WASHC2A: variants seen among roughly 807,000 people sequenced by gnomAD.
WASHC2A encodes WASH complex subunit 2A.
Under a neutral mutation model 140.3 loss-of-function variants are expected in WASHC2A, and 82 were observed. The ratio of observed to expected loss-of-function variants is 0.58; its 90% confidence interval spans 0.49 to 0.70. The LOEUF is 0.70. Among genes scored for constraint, WASHC2A ranks in the 30% least tolerant of loss-of-function variants. The pLI is 0.00. For missense variants in WASHC2A, 985 were observed against 1,521.8 expected (o/e 0.65, Z 5.87); for synonymous variants, 340 against 560.8 (o/e 0.61, Z 5.56).
chr10:50,073,337 A>T (rs1838028030), intron 3 of WASHC2A, among the ~76,000 whole-genome samples: 2 of 151,884 alleles, frequency 1.3e-5, no homozygotes, highest in Admixed American at 1.3e-4. Context: ...CAAGGTTAGA[A>T]TTTTTTTTGT....
intron 23 of WASHC2A, among the ~76,000 whole-genome samples, chr10:50,123,932 T>C (rs1843198151): frequency 6.6e-6 from 1 of 152,102 alleles, no homozygotes; most frequent in Non-Finnish European, 1.5e-5. Context: ...ATATATTTTC[T>C]CCCAGTCTCT....
At chr10:50,130,090 C>T (rs2133115852) in intron 29 of WASHC2A, 51 bp downstream of exon 29, 1 of 1,609,246 alleles carries the variant, frequency 6.2e-7, no homozygotes, top group African/African-American at 1.3e-5. Flanking sequence ...AGGAAGGTAT[C>T]TGATTGGCTT....
intron 10 of WASHC2A, among the ~76,000 whole-genome samples, 182 bp from the exon 11 acceptor site, chr10:50,091,980 A>G (rs1427876486): frequency 6.6e-6 from 1 of 152,254 alleles, no homozygotes; most frequent in Non-Finnish European, 1.5e-5. Flanking sequence ...TGCCTTACAA[A>G]GAGACTCTTG....
intron 1 of WASHC2A, 26 bp from the exon 2 acceptor site, chr10:50,068,079 T>C (rs113882441): frequency 0.13 from 193,192 of 1,517,690 alleles, 18,601 homozygotes; most frequent in Middle Eastern, 0.2. Flanking sequence ...CAGGCTCAGC[T>C]TCTCTTCTCG....
chr10:50,078,076 C>CT (rs1441480736), intron 3 of WASHC2A: 1 of 647,802 alleles, frequency 1.5e-6, no homozygotes, highest in South Asian at 2.0e-5. Context: ...AGCAGTGGGT[C>CT]TTTTCTGGAA....
intron 19 of WASHC2A, among the ~76,000 whole-genome samples, chr10:50,109,183 G>C (rs1436761833): frequency 6.6e-6 from 1 of 152,194 alleles, no homozygotes; most frequent in Non-Finnish European, 1.5e-5. Flanking sequence ...AGTTTGATTT[G>C]CAAGACTCTA....
intron 3 of WASHC2A, among the ~76,000 whole-genome samples, chr10:50,073,404 G>A (rs1838034437): frequency 6.6e-6 from 1 of 151,960 alleles, no homozygotes; most frequent in Non-Finnish European, 1.5e-5. Context: ...ACTCTGACAA[G>A]CTTAGTGTTC....
At chr10:50,102,213 G>T (rs551430456) in intron 17 of WASHC2A, among the ~76,000 whole-genome samples, 10 of 152,290 alleles carry the variant, frequency 6.6e-5, no homozygotes, top group South Asian at 2.1e-4. Flanking sequence ...AGATTCTAAG[G>T]CAAGGAGAGG....
intron 23 of WASHC2A, 99 bp downstream of exon 23, chr10:50,119,868 A>G: frequency 1.3e-6 from 1 of 749,156 alleles, no homozygotes; most frequent in Non-Finnish European, 2.2e-6. Flanking sequence ...AGGAATCTTA[A>G]CCTTCAATGT....
chr10:50,077,591 C>T (rs1382442303), intron 3 of WASHC2A, among the ~76,000 whole-genome samples: 2 of 152,006 alleles, frequency 1.3e-5, no homozygotes, highest in Non-Finnish European at 2.9e-5. Flanking sequence ...TTTATAATCA[C>T]GGCCACTGTC....
Position 50,132,990 on chromosome 10 carries a change from G to A in WASHC2A, c.*45G>A, listed in dbSNP as rs762757101. 1 of 1,611,812 alleles carries A rather than the reference G, an allele frequency of 6.2e-7. No individual in the cohort carries two copies. Among genetic ancestry groups the A allele is most frequent in the South Asian group, 1.1e-5 (1 of 90,952 alleles). On this transcript the variant is annotated 3_prime_UTR_variant, in exon 31 of 31. Transcript: ENST00000282633. ...TGTTACCCTGCAGCTACATTGTTGA[G>A]TTAGTGATGATGTTGTATATGCTGA...
intron 29 of WASHC2A, 152 bp downstream of exon 29, chr10:50,130,191 T>G (rs2261404): frequency 1.8e-6 from 2 of 1,083,748 alleles, no homozygotes; most frequent in African/African-American, 1.5e-5. Flanking sequence ...ATTAATAAGT[T>G]TAACATTGAT....
chr10:50,090,380 G>C (rs1182793381), intron 8 of WASHC2A, among the ~76,000 whole-genome samples: 1 of 150,292 alleles, frequency 6.7e-6, no homozygotes, highest in African/African-American at 2.4e-5. Context: ...GTGCATGCGT[G>C]TAATCCCAGC....
At chr10:50,131,643 C>A (rs1467400289) in intron 30 of WASHC2A, among the ~76,000 whole-genome samples, 4 of 152,192 alleles carry the variant, frequency 2.6e-5, no homozygotes, top group Non-Finnish European at 4.4e-5. Flanking sequence ...GCCCGAGAAC[C>A]CTAAATATTG....
In WASHC2A at chr10:50,097,702, T is replaced by G. The variant is rs1224666400; in HGVS notation, c.1448T>G (p.Phe483Cys). The G allele has an allele frequency of 1.3e-6, 2 of 1,599,342 alleles. No individual in the cohort carries two copies. Among genetic ancestry groups the G allele is most frequent in the Non-Finnish European group, 1.7e-6 (2 of 1,173,176 alleles). The change falls in exon 16 of 31, where the codon TTT (phenylalanine) becomes TGT (cysteine). Residue 483 changes from phenylalanine (F) to cysteine (C), a missense_variant. Coordinates refer to ENST00000282633, the MANE Select transcript of WASHC2A (RefSeq NM_001005751.3). ...AAAGTCCAATCCACTGCCGATATCT[T>G]TGGTGACGAAGAAGGAGATCTGTTC... ...TGKVQSTADIFGDEEGDLFKE... is the reference protein window; with the variant it reads ...TGKVQSTADICGDEEGDLFKE...
Position 50,092,039 on chromosome 10 carries a change from G to A in WASHC2A, c.932-123G>A, listed in dbSNP as rs1184107336. On this transcript the variant is annotated intron_variant, in intron 10 of 30. Coordinates refer to ENST00000282633, the MANE Select transcript of WASHC2A (RefSeq NM_001005751.3). ...GGGGGTTCAGTGCTCTGGTGCAGCTGAGATGAAAGGCAGATGTCTTGCTCT... is the reference window on the plus strand; with the variant it reads ...GGGGGTTCAGTGCTCTGGTGCAGCTAAGATGAAAGGCAGATGTCTTGCTCT... 31 of 1,575,716 alleles carry A rather than the reference G, an allele frequency of 2.0e-5. No individual in the cohort carries two copies. The African/African-American group carries it at 3.9e-4, about 20-fold the overall frequency.
rs559414824 is a variant in WASHC2A at position 50,132,870 on chromosome 10, C to T, written c.3951C>T (p.Ala1317=). The T allele has an allele frequency of 4.3e-5, 69 of 1,612,004 alleles. No individual in the cohort carries two copies. Among genetic ancestry groups the T allele is most frequent in the Middle Eastern group, 4.5e-4 (2 of 4,428 alleles). ...AACCAAAAAGCCGATCTGCACAGGC[C>T]GCACCTGAACCAAGATTTGAACACA... The part of the protein sequence containing the change: ...TTKPKSRSAQ[A]APEPRFEHKV... Residue 1317 remains alanine (A), a synonymous_variant, in exon 31 of 31, where the codon GCC becomes GCT. Coordinates refer to ENST00000282633, the MANE Select transcript of WASHC2A (RefSeq NM_001005751.3).
chr10:50,132,692 A>G, intron 30 of WASHC2A, 114 bp from the exon 31 acceptor site: 1 of 1,593,452 alleles, frequency 6.3e-7, no homozygotes, highest in Non-Finnish European at 8.6e-7. Flanking sequence ...TTAGTGTTTT[A>G]GGGTACTCCA....
At position 50,095,786 on chromosome 10, in the gene WASHC2A, T is replaced by C; in HGVS notation, c.1420+8T>C. 1 of 1,601,750 alleles carries C rather than the reference T, an allele frequency of 6.2e-7. No individual in the cohort carries two copies. Among genetic ancestry groups the C allele is most frequent in the Non-Finnish European group, 8.5e-7 (1 of 1,174,714 alleles). On this transcript the variant is annotated splice_region_variant and intron_variant, in intron 15 of 30. Coordinates refer to ENST00000282633, the MANE Select transcript of WASHC2A (RefSeq NM_001005751.3). ...GCAAACCTTCTAAAACAGGTATGTG[T>C]TCCTGCCTCCGTTTCTAGGACTTCA...
Sources: gnomAD v4.1 joint callset for allele counts (sites outside exome capture counted in the v4.1 genomes callset) on GRCh38, gnomAD v4.1.1 for gene constraint, MANE v1.5 for transcripts, NCBI Gene and HGNC (gene_info 2026-07-23, HGNC 2026-07-21) for gene names.